TOGARAM1: variants seen among roughly 807,000 people sequenced by gnomAD.
TOGARAM1 encodes the protein TOG array regulator of axonemal microtubules protein 1.
TOGARAM1 carries 100 observed loss-of-function variants against 166.6 expected under a neutral mutation model. That is an observed-to-expected ratio of 0.60 (90% CI 0.51 to 0.71). The LOEUF (loss-of-function observed/expected upper bound fraction) is 0.71, where lower values mean the gene tolerates loss of function less well. Among genes scored for constraint, TOGARAM1 ranks in the 30% least tolerant of loss-of-function variants. The probability of loss-of-function intolerance (pLI) is 0.00; values close to 1 mark genes in which losing one functional copy is unlikely to be tolerated. For synonymous variants in TOGARAM1, 758 were observed against 763.8 expected (o/e 0.99, Z 0.13); for missense variants, 2,029 against 2,102.7 (o/e 0.96, Z 0.69).
intron 11 of TOGARAM1, among the ~76,000 whole-genome samples, chr14:45,037,908 C>T (rs563931872): frequency 2.6e-5 from 4 of 151,400 alleles, no homozygotes; most frequent in Non-Finnish European, 5.9e-5. Context: ...GTCCCAGCTA[C>T]TGGGGAGGCT....
In TOGARAM1 at chr14:44,964,327, A is replaced by G; in HGVS notation, c.1906A>G (p.Ile636Val). The G allele has an allele frequency of 1.2e-6, 2 of 1,614,212 alleles. No individual in the cohort carries two copies. Among genetic ancestry groups the G allele is most frequent in the Non-Finnish European group, 1.7e-6 (2 of 1,180,036 alleles). The change falls in exon 1 of 20, where the codon ATT becomes GTT. Residue 636 changes from isoleucine (I) to valine (V), a missense_variant. Physicochemically the swap from Ile to Val is conservative, Grantham distance 29. Coordinates refer to ENST00000361462, the MANE Select transcript of TOGARAM1 (RefSeq NM_001308120.2). ...CGDHVRDSMH[I>V]YGSYSPTICT... is the part of the protein sequence containing the mutation. Reference sequence around the variant, plus strand: ...TGACCACGTGAGGGATAGCATGCACATTTATGGATCTTACAGCCCAACTAT... The same window carrying G: ...TGACCACGTGAGGGATAGCATGCACGTTTATGGATCTTACAGCCCAACTAT...
intron 1 of TOGARAM1, among the ~76,000 whole-genome samples, chr14:44,969,516 A>G (rs1885767641): frequency 6.6e-6 from 1 of 152,288 alleles, no homozygotes; most frequent in African/African-American, 2.4e-5. Flanking sequence ...TTCTCTTGAC[A>G]TTAACTTTCT....
At chr14:45,008,808 G>T (rs1283291021) in intron 5 of TOGARAM1, 105 bp from the exon 6 acceptor site, 1 of 737,548 alleles carries the variant, frequency 1.4e-6, no homozygotes. Context: ...ACAGGATTGG[G>T]AAGTGGTTAG....
rs376477138 is a variant in TOGARAM1 at position 45,010,132 on chromosome 14, T to C, written c.3137+987T>C. Among the ~76,000 whole-genome samples the C allele has an allele frequency of 4.6e-5, 7 of 152,160 alleles. No individual in the cohort carries two copies. In the East Asian group the frequency reaches 7.7e-4, roughly 17 times the overall value. The stretch of plus-strand genomic sequence containing the variant: ...AGTGAATTGGAACTTCTAAGAAATA[T>C]ACGTAAATAGAGATTGCATAATCAA... On this transcript the variant is annotated intron_variant, in intron 6 of 19. Coordinates refer to ENST00000361462, the MANE Select transcript of TOGARAM1 (RefSeq NM_001308120.2).
chr14:44,992,069 TGTTA>T (rs1887165744), intron 1 of TOGARAM1, among the ~76,000 whole-genome samples: 1 of 67,146 alleles, frequency 1.5e-5, no homozygotes, highest in Non-Finnish European at 2.5e-5. Context: ...AGACCCTGTC[TGTTA>T]AAAAAAAAAA....
At chr14:45,021,897 A>G (rs1433096380) in intron 7 of TOGARAM1, among the ~76,000 whole-genome samples, 1 of 152,124 alleles carries the variant, frequency 6.6e-6, no homozygotes, top group East Asian at 1.9e-4. Flanking sequence ...TCGGTCAAGC[A>G]CAAGGTCATT....
intron 1 of TOGARAM1, among the ~76,000 whole-genome samples, chr14:44,994,964 A>T (rs1887344178): frequency 6.6e-6 from 1 of 152,204 alleles, no homozygotes; most frequent in Non-Finnish European, 1.5e-5. Flanking sequence ...TAGGAAGCAT[A>T]ATTTCCTGTC....
chr14:44,991,837 TAA>T (rs1887151720), intron 1 of TOGARAM1, among the ~76,000 whole-genome samples: 1 of 152,034 alleles, frequency 6.6e-6, no homozygotes, highest in South Asian at 2.1e-4. Flanking sequence ...AAGAATAATT[TAA>T]GTTTATATCT....
chr14:45,043,524 T>C (rs922541645), intron 11 of TOGARAM1, among the ~76,000 whole-genome samples, 162 bp from the exon 12 acceptor site: 1 of 152,162 alleles, frequency 6.6e-6, no homozygotes, highest in African/African-American at 2.4e-5. Context: ...CTCAACCTCA[T>C]GAACCAACCT....
At position 45,071,753 on chromosome 14, in the gene TOGARAM1, T is replaced by C; in HGVS notation, c.5011T>C (p.Phe1671Leu). 6.2e-7 allele frequency: 1 copy of C among 1,612,312 alleles called. No homozygotes were observed. The highest frequency in any genetic ancestry group is 1.1e-5 in the South Asian group (1 of 90,486). Residue 1671 changes from phenylalanine to leucine, a missense_variant, in exon 19 of 20, where the codon TTT becomes CTT. Transcript: ENST00000361462. Reference protein sequence around the residue: ...LLQPFCTKAQFLNGKAKQDMT... With the variant: ...LLQPFCTKAQLLNGKAKQDMT... Reference sequence around the variant, plus strand: ...ACAGCCATTTTGCACAAAAGCTCAGTTTTTAAATGGAAAAGCAAAACAGGA... The same window carrying C: ...ACAGCCATTTTGCACAAAAGCTCAGCTTTTAAATGGAAAAGCAAAACAGGA...
rs1449659149 is a variant in TOGARAM1, at chr14:45,037,921, G to C, written c.3812+5545G>C. Among the ~76,000 whole-genome samples, 3 of 151,836 alleles carry C rather than the reference G, an allele frequency of 2.0e-5. No individual in the cohort carries two copies. The East Asian group carries it at 5.8e-4, about 30-fold the overall frequency. On this transcript the variant is annotated intron_variant, in intron 11 of 19. Coordinates refer to ENST00000361462, the MANE Select transcript of TOGARAM1 (RefSeq NM_001308120.2). ...TAGTCCCAGCTACTGGGGAGGCTGA[G>C]ACAGGAGAATCGCTTGAACCCAGGA... is the stretch of plus-strand genomic sequence containing the variant.
chr14:45,027,794 G>A (rs1054915629), intron 9 of TOGARAM1, among the ~76,000 whole-genome samples: 2 of 151,840 alleles, frequency 1.3e-5, no homozygotes, highest in Non-Finnish European at 1.5e-5. Context: ...ACTTGAGCTC[G>A]GACGGTCGGA....
chr14:45,027,519 A>AT (rs748078595), intron 9 of TOGARAM1, 45 bp downstream of exon 9: 2 of 1,476,696 alleles, frequency 1.4e-6, no homozygotes, highest in South Asian at 2.5e-5. Context: ...AGCTTACAGT[A>AT]TGTCATTGTT....
At position 45,027,303 on chromosome 14, in the gene TOGARAM1, A is replaced by G. The variant is rs776789662; in HGVS notation, c.3333A>G (p.Val1111=). ...TTGGTGGTTGGTTGATTTCAGGCGTATTTGGAAGTTTAAGTTCAGCACCAG... is the reference window on the plus strand; with the variant it reads ...TTGGTGGTTGGTTGATTTCAGGCGTGTTTGGAAGTTTAAGTTCAGCACCAG... ...EDSVVVVGKG[V]FGSLSSAPAT... The change falls in exon 9 of 20, where the codon GTA becomes GTG. Residue 1111 remains valine, a synonymous_variant. Transcript: ENST00000361462. 14 of 1,612,892 alleles carry G rather than the reference A, an allele frequency of 8.7e-6. No individual in the cohort carries two copies. The highest frequency in any genetic ancestry group is 1.2e-5 in the Non-Finnish European group (14 of 1,179,636).
intron 1 of TOGARAM1, among the ~76,000 whole-genome samples, chr14:44,966,799 A>C (rs1885570109): frequency 6.6e-6 from 1 of 152,056 alleles, no homozygotes; most frequent in Non-Finnish European, 1.5e-5. Flanking sequence ...TACAAAAATA[A>C]AAAAACTTAG....
intron 1 of TOGARAM1, among the ~76,000 whole-genome samples, chr14:44,975,244 C>G (rs570264367): frequency 6.6e-6 from 1 of 152,022 alleles, no homozygotes; most frequent in East Asian, 1.9e-4. Flanking sequence ...TCAATGGATG[C>G]CCCCCCACCA....
intron 1 of TOGARAM1, among the ~76,000 whole-genome samples, chr14:44,984,690 G>A (rs921633319): frequency 6.6e-6 from 1 of 151,740 alleles, no homozygotes; most frequent in South Asian, 2.1e-4. Context: ...TAGAAGGATC[G>A]ATAGAGCCCA....
chr14:44,973,281 G>A (rs761049120), intron 1 of TOGARAM1, among the ~76,000 whole-genome samples: 1 of 151,374 alleles, frequency 6.6e-6, no homozygotes, highest in Non-Finnish European at 1.5e-5. Flanking sequence ...TTTCCCTAGA[G>A]TGTGTAATAC....
intron 6 of TOGARAM1, among the ~76,000 whole-genome samples, chr14:45,010,954 C>T (rs1024491883): frequency 2.0e-5 from 3 of 152,162 alleles, no homozygotes; most frequent in Non-Finnish European, 4.4e-5. Context: ...ACTGATTTCT[C>T]ACTAGGTCCA....
Sources: allele counts gnomAD v4.1 joint callset (sites outside exome capture counted in the v4.1 genomes callset), GRCh38; gene constraint gnomAD v4.1.1; transcripts MANE v1.5; gene names NCBI Gene and HGNC (gene_info 2026-07-23, HGNC 2026-07-21).